Variants in CEACAM3 observed in about 807,000 individuals in gnomAD.
The protein encoded by CEACAM3 is cell adhesion molecule CEACAM3.
CEACAM3 carries 32 observed loss-of-function variants against 30.1 expected under a neutral mutation model. The ratio of observed to expected loss-of-function variants is 1.06; its 90% CI spans 0.80 to 1.43. CEACAM3 has a LOEUF of 1.43. CEACAM3 is among the 40% of genes most tolerant of loss of function. The pLI, the probability that CEACAM3 is intolerant of heterozygous loss-of-function variation, is 0.00. For synonymous variants in CEACAM3, 134 were observed against 127.2 expected (o/e 1.05, Z -0.36); for missense variants, 290 against 316.3 (o/e 0.92, Z 0.63).
intron 6 of CEACAM3, 74 bp from the exon 7 acceptor site, chr19:41,811,098 C>T (rs2056509991): frequency 2.6e-6 from 4 of 1,532,342 alleles, no homozygotes; most frequent in Admixed American, 3.4e-5. Flanking sequence ...CCTGGATGGG[C>T]CCAGAGCCTG....
chr19:41,798,151 C>A (rs1211666997), intron 2 of CEACAM3: 4 of 884,724 alleles, frequency 4.5e-6, no homozygotes, highest in African/African-American at 3.4e-5. Context: ...TGCAGACACT[C>A]GCTGCAGAGG....
intron 2 of CEACAM3, 151 bp downstream of exon 2, chr19:41,798,099 C>A: frequency 7.8e-7 from 1 of 1,279,742 alleles, no homozygotes. Context: ...ACGGGGGAGA[C>A]AAACTTCCAC....
At chr19:41,797,437 G>T in intron 1 of CEACAM3, 152 bp from the exon 2 acceptor site, 1 of 1,028,758 alleles carries the variant, frequency 9.7e-7, no homozygotes. Flanking sequence ...AGGTGCTGAA[G>T]AAAGAAAGGT....
chr19:41,803,459 T>TG (rs1209361017), intron 2 of CEACAM3, among the ~76,000 whole-genome samples: 268 of 94,450 alleles, frequency 2.8e-3, no homozygotes, highest in African/African-American at 7.3e-3. Flanking sequence ...TGTGTGTGTG[T>TG]TGTTTTGTTT....
intron 3 of CEACAM3, 117 bp downstream of exon 3, chr19:41,809,047 G>T: frequency 1.4e-6 from 1 of 723,202 alleles, no homozygotes; most frequent in Non-Finnish European, 2.3e-6. Flanking sequence ...AGTCCCCAGG[G>T]ATCCTTCCCT....
chr19:41,798,194 A>G (rs1333035183), intron 2 of CEACAM3, among the ~76,000 whole-genome samples: 3 of 152,200 alleles, frequency 2.0e-5, no homozygotes, highest in Admixed American at 6.5e-5. Flanking sequence ...TCAGCAGGGC[A>G]AGGTCAGTGT....
chr19:41,811,382 G>T lies in CEACAM3; in HGVS notation c.*145G>T. ...GGTGTCTGGGGGCAGGGAGGGATGG[G>T]GGTCCCTGATGAATATCTGGAGACC... is the stretch of plus-strand genomic sequence containing the variant. On this transcript the variant is annotated 3_prime_UTR_variant, in exon 7 of 7. Transcript: ENST00000357396. 1 of 696,076 alleles carries T rather than the reference G, an allele frequency of 1.4e-6. No homozygotes were observed. The highest frequency in any genetic ancestry group is 2.4e-5 in the Admixed American group (1 of 41,312). The allele number at this position is 696,076 out of a possible 1,614,324, so 43.1% of individuals were successfully genotyped here. A position where few individuals can be genotyped will look rare whatever the true frequency, so the allele number is the denominator to read the frequency against.
At chr19:41,805,217 C>T (rs921879564) in intron 2 of CEACAM3, among the ~76,000 whole-genome samples, 4 of 151,824 alleles carry the variant, frequency 2.6e-5, no homozygotes, top group Admixed American at 6.6e-5. Context: ...ATTGAAACTG[C>T]ACACCCAAGG....
intron 2 of CEACAM3, among the ~76,000 whole-genome samples, chr19:41,800,631 TAA>T (rs2073138309): frequency 6.6e-6 from 1 of 152,166 alleles, no homozygotes; most frequent in Admixed American, 6.5e-5. Context: ...GTGAAAGTAC[TAA>T]AAGTCTCTGA....
rs1313727986 is a variant in CEACAM3 at position 41,803,764 on chromosome 19, C to A, written c.425-5049C>A. ...TACAGGCATGAGCCACCATGCCCGG[C>A]CTGAAACAGCAAAGCTTTAAAAGAG... is the stretch of plus-strand genomic sequence containing the variant. On this transcript the variant is annotated intron_variant, in intron 2 of 6. Coordinates refer to ENST00000357396, the MANE Select transcript of CEACAM3 (RefSeq NM_001815.5). Among the ~76,000 whole-genome samples, 2 of 61,508 alleles carry A rather than the reference C, an allele frequency of 3.3e-5. 1 individual carries two copies. 40.4% of individuals were successfully genotyped at this position (61,508 alleles called of 152,430 possible).
At chr19:41,809,100 T>G (rs113090246) in intron 3 of CEACAM3, 170 bp downstream of exon 3, 608 of 545,814 alleles carry the variant, frequency 1.1e-3, no homozygotes, top group African/African-American at 0.011. Context: ...GACCCTGGGT[T>G]GCTGCCTCAA....
chr19:41,805,522 C>T (rs1488044662), intron 2 of CEACAM3, among the ~76,000 whole-genome samples: 2 of 151,974 alleles, frequency 1.3e-5, no homozygotes, highest in Non-Finnish European at 2.9e-5. Flanking sequence ...CTCCCGACCT[C>T]AGGTGATCCG....
At chr19:41,802,495 G>A (rs2073158889) in intron 2 of CEACAM3, among the ~76,000 whole-genome samples, 1 of 152,178 alleles carries the variant, frequency 6.6e-6, no homozygotes, top group Admixed American at 6.5e-5. Context: ...CAGAACCAGC[G>A]CTGGGGTCAG....
intron 2 of CEACAM3, among the ~76,000 whole-genome samples, chr19:41,805,965 C>G (rs1432235205): frequency 1.3e-5 from 2 of 152,178 alleles, no homozygotes; most frequent in Non-Finnish European, 2.9e-5. Context: ...TGTCCCCGCC[C>G]TCTTTCTAAG....
intron 2 of CEACAM3, among the ~76,000 whole-genome samples, chr19:41,806,832 G>A (rs984374900): frequency 5.3e-5 from 8 of 152,046 alleles, no homozygotes; most frequent in East Asian, 1.9e-4. Flanking sequence ...GACTACAGGC[G>A]CCTGCCACCA....
At position 41,810,349 on chromosome 19, in the gene CEACAM3, T is replaced by G. The variant is rs782255494; in HGVS notation, c.622T>G (p.Phe208Val). The G allele has an allele frequency of 7.5e-6, 12 of 1,603,532 alleles. No homozygotes were observed. In the East Asian group the frequency reaches 2.5e-4, roughly 33 times the overall value. Residue 208 changes from phenylalanine (F) to valine (V), a missense_variant, in exon 5 of 7, where the codon TTC becomes GTC. Coordinates refer to ENST00000357396, the MANE Select transcript of CEACAM3 (RefSeq NM_001815.5). ...PGRGPSHSSA[F>V]SMSPLSTAQA... is the part of the protein sequence containing the mutation. Reference sequence around the variant, plus strand: ...CCGTGGTCCCTCCCACAGCTCTGCCTTCTCGGTAAGCCTGTCCCCTTCCAG... The same window carrying G: ...CCGTGGTCCCTCCCACAGCTCTGCCGTCTCGGTAAGCCTGTCCCCTTCCAG...
At chr19:41,805,195 A>G (rs1193168877) in intron 2 of CEACAM3, among the ~76,000 whole-genome samples, 1 of 151,648 alleles carries the variant, frequency 6.6e-6, no homozygotes, top group Non-Finnish European at 1.5e-5. Context: ...TAGAACCTCC[A>G]TATTTTGCAT....
rs1555827340 is a variant in CEACAM3 at position 41,809,977 on chromosome 19, G to C, written c.555G>C (p.Gln185His). ...LLAKTGRTSI[Q>H]RDLKEQQPQA... is the part of the protein sequence containing the mutation. ...TGACCTTTCCTAGAACCAGCATCCAGCGTGACCTCAAGGAGCAGCAGCCCC... is the reference window on the plus strand; with the variant it reads ...TGACCTTTCCTAGAACCAGCATCCACCGTGACCTCAAGGAGCAGCAGCCCC... The change falls in exon 4 of 7, where the codon CAG (glutamine) becomes CAC (histidine). Residue 185 changes from glutamine to histidine, a missense_variant. Transcript: ENST00000357396. 3 of 1,613,804 alleles carry C rather than the reference G, an allele frequency of 1.9e-6. No homozygotes were observed. The Admixed American group carries it at 5.0e-5, about 27-fold the overall frequency.
At chr19:41,800,661 A>C (rs977706407) in intron 2 of CEACAM3, among the ~76,000 whole-genome samples, 2 of 152,162 alleles carry the variant, frequency 1.3e-5, no homozygotes, top group East Asian at 3.8e-4. Context: ...AAATAATGGC[A>C]TAAGCTGTCT....
Sources: gnomAD v4.1 joint callset for allele counts (sites outside exome capture counted in the v4.1 genomes callset) on GRCh38, gnomAD v4.1.1 for gene constraint, MANE v1.5 for transcripts, NCBI Gene and HGNC (gene_info 2026-07-23, HGNC 2026-07-21) for gene names.